Variants in DNER observed in about 807,000 individuals in gnomAD.
DNER encodes the protein delta and Notch-like epidermal growth factor-related receptor.
In DNER, 33 loss-of-function variants were observed where a neutral mutation model predicts 78.2. That is an observed-to-expected ratio of 0.42 (90% CI 0.32 to 0.56). The LOEUF (loss-of-function observed/expected upper bound fraction) is 0.56. Ranked by LOEUF, DNER falls within the 20% of genes least tolerant of loss-of-function variation. DNER has a pLI of 0.11. For missense variants in DNER, 918 were observed against 975.3 expected (o/e 0.94, Z 0.78); for synonymous variants, 417 against 384.8 (o/e 1.08, Z -0.98).
At chr2:229,368,091 G>A (rs921760091) in intron 11 of DNER, among the ~76,000 whole-genome samples, 3 of 152,106 alleles carry the variant, frequency 2.0e-5, no homozygotes, top group Non-Finnish European at 1.5e-5. Flanking sequence ...GCTGGGCATG[G>A]TGGCTCATGC....
intron 12 of DNER, among the ~76,000 whole-genome samples, chr2:229,359,020 T>G (rs1692154260): frequency 6.6e-6 from 1 of 152,170 alleles, no homozygotes; most frequent in Non-Finnish European, 1.5e-5. Context: ...TTATATCTAC[T>G]CCAGTGCCTG....
intron 5 of DNER, among the ~76,000 whole-genome samples, chr2:229,520,787 C>T (rs763077443): frequency 6.6e-6 from 1 of 152,192 alleles, no homozygotes; most frequent in Non-Finnish European, 1.5e-5. Context: ...GACTGAGTCC[C>T]CACATATGAA....
chr2:229,552,555 A>G (rs1326924452), intron 4 of DNER, among the ~76,000 whole-genome samples: 1 of 152,092 alleles, frequency 6.6e-6, no homozygotes. Context: ...ATGAGATCTG[A>G]TGGTTTTATA....
intron 6 of DNER, among the ~76,000 whole-genome samples, chr2:229,490,682 A>G (rs768777573): frequency 6.6e-6 from 1 of 152,154 alleles, no homozygotes; most frequent in Admixed American, 6.5e-5. Flanking sequence ...GCACAACTCT[A>G]TGAATATACT....
intron 8 of DNER, among the ~76,000 whole-genome samples, chr2:229,442,922 G>A (rs1015110015): frequency 1.3e-5 from 2 of 151,926 alleles, no homozygotes; most frequent in South Asian, 4.2e-4. Flanking sequence ...ATTTCACTTG[G>A]AAAAAGTCTA....
intron 1 of DNER, among the ~76,000 whole-genome samples, chr2:229,682,973 T>C (rs1424053203): frequency 6.6e-6 from 1 of 152,222 alleles, no homozygotes; most frequent in African/African-American, 2.4e-5. Flanking sequence ...ACTGTAAAGA[T>C]GGACAAAAAT....
intron 1 of DNER, among the ~76,000 whole-genome samples, chr2:229,699,695 A>G (rs988125563): frequency 6.6e-6 from 1 of 152,186 alleles, no homozygotes; most frequent in East Asian, 1.9e-4. Context: ...AAATAATAGA[A>G]TCAACCTTAT....
intron 1 of DNER, among the ~76,000 whole-genome samples, chr2:229,605,964 T>C (rs973616700): frequency 1.1e-4 from 17 of 152,138 alleles, no homozygotes; most frequent in African/African-American, 3.9e-4. Context: ...AACAGAAACT[T>C]CGATGGAAAA....
chr2:229,524,223 G>A (rs1317956831), intron 5 of DNER, among the ~76,000 whole-genome samples: 2 of 152,176 alleles, frequency 1.3e-5, no homozygotes, highest in East Asian at 1.9e-4. Flanking sequence ...GGGAAAACAC[G>A]ACCTTGCTTG....
chr2:229,402,987 C>T (rs1339103043), intron 10 of DNER, among the ~76,000 whole-genome samples: 4 of 152,170 alleles, frequency 2.6e-5, no homozygotes, highest in Non-Finnish European at 5.9e-5. Context: ...AGCCAGAAGC[C>T]TAGGTTCAGC....
At chr2:229,533,973 T>C (rs1279523420) in intron 5 of DNER, among the ~76,000 whole-genome samples, 4 of 152,236 alleles carry the variant, frequency 2.6e-5, no homozygotes, top group Non-Finnish European at 4.4e-5. Flanking sequence ...TGCATCAACA[T>C]TTGGAAGCTC....
intron 1 of DNER, among the ~76,000 whole-genome samples, chr2:229,648,973 T>C (rs1264321759): frequency 6.6e-6 from 1 of 152,254 alleles, no homozygotes; most frequent in Non-Finnish European, 1.5e-5. Context: ...AGTGATAACG[T>C]GCCTCAGCTA....
chr2:229,602,306 T>C (rs555778645), intron 1 of DNER, among the ~76,000 whole-genome samples: 47 of 152,298 alleles, frequency 3.1e-4, no homozygotes, highest in South Asian at 1.9e-3. Flanking sequence ...TGAAGACTTT[T>C]AGCAAACTAG....
rs528634628 is a variant in DNER at position 229,630,399 on chromosome 2, C to T, written c.277-38511G>A. On this transcript the variant is annotated intron_variant, in intron 1 of 12. Coordinates refer to ENST00000341772, the MANE Select transcript of DNER (RefSeq NM_139072.4). ...GCTGAGGCAGGAGAATTGCTTGAAC[C>T]CGGAAGGCAGAGGTTGCAGTGAGCC... 2.0e-5 allele frequency among the ~76,000 whole-genome samples: 3 copies of T among 151,660 alleles called. No individual in the cohort carries two copies. In the East Asian group the frequency reaches 5.8e-4, roughly 29 times the overall value.
chr2:229,684,996 C>T (rs890445203), intron 1 of DNER, among the ~76,000 whole-genome samples: 1 of 152,068 alleles, frequency 6.6e-6, no homozygotes, highest in Non-Finnish European at 1.5e-5. Context: ...GGAATAAATG[C>T]GATTCTCTAA....
chr2:229,494,352 G>A (rs1350309224), intron 6 of DNER, among the ~76,000 whole-genome samples: 1 of 152,232 alleles, frequency 6.6e-6, no homozygotes, highest in African/African-American at 2.4e-5. Context: ...TGTGAGATCA[G>A]ACAAGTTATA....
At chr2:229,415,981 T>C (rs889240366) in intron 9 of DNER, among the ~76,000 whole-genome samples, 3 of 152,232 alleles carry the variant, frequency 2.0e-5, no homozygotes, top group Admixed American at 2.0e-4. Context: ...GTGTATCATC[T>C]CCTTCATTAA....
rs1255409291 is a variant in DNER, at chr2:229,714,539, G to A, written c.-116C>T. The A allele has an allele frequency of 9.7e-6, 10 of 1,033,506 alleles. No homozygotes were observed. Among genetic ancestry groups the A allele is most frequent in the Non-Finnish European group, 1.0e-5 (9 of 860,664 alleles). The allele number at this position is 1,033,506 out of a possible 1,614,324, so 64.0% of individuals were successfully genotyped here. On this transcript the variant is annotated 5_prime_UTR_variant, in exon 1 of 13. Coordinates refer to ENST00000341772, the MANE Select transcript of DNER (RefSeq NM_139072.4). ...GCGGCTAGGGCTGCTCCGCCGGGCC[G>A]GGCGCCTCCTGCAGCTGCGGGATCC...
Position 229,358,697 on chromosome 2 carries a change from C to T in DNER, c.2103-46G>A. 3 of 1,509,076 alleles carry T rather than the reference C, an allele frequency of 2.0e-6. 1 individual carries two copies. The highest frequency in any genetic ancestry group is 3.5e-4 in the Middle Eastern group (2 of 5,778). 93.5% of individuals were successfully genotyped at this position (1,509,076 alleles called of 1,614,324 possible). On this transcript the variant is annotated intron_variant, in intron 12 of 12. Coordinates refer to ENST00000341772, the MANE Select transcript of DNER (RefSeq NM_139072.4). ...CTCTGGTTAGATAAATACTAGATCT[C>T]AAGTTTAATTAAAGCAAGTGATGAG...
Sources: allele counts gnomAD v4.1 joint callset (sites outside exome capture counted in the v4.1 genomes callset), GRCh38; gene constraint gnomAD v4.1.1; transcripts MANE v1.5; gene names NCBI Gene and HGNC (gene_info 2026-07-23, HGNC 2026-07-21).